The following ZNF831 variants were observed in gnomAD, a reference collection of about 807,000 sequenced individuals.
ZNF831 encodes the protein chromosome 20 open reading frame 174.
A neutral mutation model predicts 95.8 loss-of-function variants in ZNF831; 59 were observed. That is an observed-to-expected ratio of 0.62 (90% CI 0.50 to 0.77). The LOEUF (loss-of-function observed/expected upper bound fraction) is 0.77, where lower values mean the gene tolerates loss of function less well. Ranked by LOEUF, ZNF831 falls within the 30% of genes least tolerant of loss-of-function variation. The probability of loss-of-function intolerance (pLI) is 0.00; values close to 1 mark genes in which losing one functional copy is unlikely to be tolerated. For synonymous variants in ZNF831, 961 were observed against 925.5 expected (o/e 1.04, Z -0.70); for missense variants, 2,205 against 2,164.0 (o/e 1.02, Z -0.38).
chr20:59,145,925 A>G (rs1979835823), intron 1 of ZNF831, among the ~76,000 whole-genome samples: 1 of 151,842 alleles, frequency 6.6e-6, no homozygotes, highest in South Asian at 2.1e-4. Context: ...GAAAGAGTGC[A>G]GGAAGAGAAA....
chr20:59,239,690 G>A (rs1481911588), intron 4 of ZNF831, among the ~76,000 whole-genome samples: 10 of 151,894 alleles, frequency 6.6e-5, no homozygotes, highest in South Asian at 4.2e-4. Context: ...GATTACAGGC[G>A]CGCGCCACCA....
upstream of ZNF831, among the ~76,000 whole-genome samples, chr20:59,159,187 C>A (rs1980705753): frequency 6.6e-6 from 1 of 151,994 alleles, no homozygotes; most frequent in South Asian, 2.1e-4. Context: ...ACTTCACAGA[C>A]CCACCAAGAA....
rs377163790 is a variant in ZNF831 at position 59,195,925 on chromosome 20, A to G, written c.3795A>G (p.Glu1265=). 26 of 1,614,096 alleles carry G rather than the reference A, an allele frequency of 1.6e-5. No individual in the cohort carries two copies. Among genetic ancestry groups the G allele is most frequent in the Non-Finnish European group, 1.9e-5 (22 of 1,180,042 alleles). The part of the protein sequence containing the change: ...VMPQHQVSEP[E]WKKGLPWRAK... ...CCCAGCACCAGGTGTCTGAGCCAGA[A>G]TGGAAGAAAGGCCTGCCTTGGAGGG... The change falls in exon 3 of 6, where the codon GAA becomes GAG. Residue 1265 remains glutamate (E), a synonymous_variant. Transcript: ENST00000371030.
At chr20:59,204,150 C>T (rs891644255) in intron 3 of ZNF831, among the ~76,000 whole-genome samples, 5 of 152,162 alleles carry the variant, frequency 3.3e-5, no homozygotes, top group Non-Finnish European at 7.4e-5. Flanking sequence ...ATACATTAGT[C>T]GTTGAAGGGG....
chr20:59,158,504 C>T (rs377209150), intron 2 of ZNF831, among the ~76,000 whole-genome samples: 53 of 152,296 alleles, frequency 3.5e-4, no homozygotes, highest in Middle Eastern at 3.4e-3. Flanking sequence ...CCACTCTGTG[C>T]CCACTGAACC....
At chr20:59,197,500 G>C (rs1001359951) in intron 3 of ZNF831, among the ~76,000 whole-genome samples, 1 of 152,156 alleles carries the variant, frequency 6.6e-6, no homozygotes, top group Non-Finnish European at 1.5e-5. Context: ...GCCTGTCCTG[G>C]GCACGCTAGC....
intron 3 of ZNF831, among the ~76,000 whole-genome samples, chr20:59,199,265 G>A (rs1984362876): frequency 6.6e-6 from 1 of 151,848 alleles, no homozygotes; most frequent in African/African-American, 2.4e-5. Flanking sequence ...ATAGTCCTTA[G>A]CTCACAGAGA....
chr20:59,225,243 A>T (rs1354867694), intron 4 of ZNF831, among the ~76,000 whole-genome samples: 1 of 152,204 alleles, frequency 6.6e-6, no homozygotes, highest in Non-Finnish European at 1.5e-5. Flanking sequence ...GTCTCCTTGA[A>T]GAAGAAGTTG....
intron 2 of ZNF831, among the ~76,000 whole-genome samples, chr20:59,157,837 C>T (rs1251611845): frequency 3.3e-5 from 5 of 152,146 alleles, no homozygotes; most frequent in Non-Finnish European, 7.4e-5. Context: ...CCCATCTGGG[C>T]CAGTAAACTC....
rs6092759 is a variant in ZNF831 at position 59,253,149 on chromosome 20, T to C, written c.4188+11T>C. The C allele has an allele frequency of 2.3e-3, 3,764 of 1,613,778 alleles. 83 individuals carry two copies. The African/African-American group carries it at 0.044, about 19-fold the overall frequency. ...AAACGAACTGTGAAGGTGGGCATGA[T>C]GATTTTGAGCTGCCTCTACCTATTC... On this transcript the variant is annotated intron_variant, in intron 5 of 5. Coordinates refer to ENST00000371030, the MANE Select transcript of ZNF831 (RefSeq NM_178457.3).
At chr20:59,177,758 G>C (rs1431088562) in intron 1 of ZNF831, among the ~76,000 whole-genome samples, 1 of 152,208 alleles carries the variant, frequency 6.6e-6, no homozygotes, top group East Asian at 1.9e-4. Flanking sequence ...ATCTGGGCTT[G>C]TTCTCATGGC....
In ZNF831 at chr20:59,192,639, C is replaced by T; in HGVS notation, c.1620C>T (p.Ala540=). Residue 540 remains alanine, a synonymous_variant, in exon 2 of 6, where the codon GCC becomes GCT. Coordinates refer to ENST00000371030, the MANE Select transcript of ZNF831 (RefSeq NM_178457.3). The surrounding 1 kb of genome is among the most constrained non-coding windows in gnomAD (Gnocchi z 5.2). ...QKPLSPRPGP[A]RLGCRSGLSS... ...CTCTGAGCCCCAGGCCCGGCCCAGC[C>T]CGCCTGGGCTGCCGCTCGGGACTAA... is the stretch of plus-strand genomic sequence containing the variant. The T allele has an allele frequency of 3.3e-6, 5 of 1,500,696 alleles. No individual in the cohort carries two copies. Among genetic ancestry groups the T allele is most frequent in the Non-Finnish European group, 2.7e-6 (3 of 1,127,402 alleles). 93.0% of individuals were successfully genotyped at this position (1,500,696 alleles called of 1,614,324 possible). A position where few individuals can be genotyped will look rare whatever the true frequency, so the allele number is the denominator to read the frequency against.
intron 4 of ZNF831, among the ~76,000 whole-genome samples, chr20:59,228,117 A>AT (rs1359143617): frequency 2.6e-5 from 4 of 152,250 alleles, no homozygotes; most frequent in Non-Finnish European, 5.9e-5. Context: ...ACACAGCAGT[A>AT]TCTGCTTTCT....
chr20:59,167,626 T>C (rs1981386360), intron 1 of ZNF831, among the ~76,000 whole-genome samples: 1 of 152,178 alleles, frequency 6.6e-6, no homozygotes, highest in Non-Finnish European at 1.5e-5. Flanking sequence ...AGTTAATTTC[T>C]ATATAAGTAA....
chr20:59,239,496 A>T (rs1987189756), intron 4 of ZNF831, among the ~76,000 whole-genome samples: 1 of 149,424 alleles, frequency 6.7e-6, no homozygotes, highest in Non-Finnish European at 1.5e-5. Flanking sequence ...TTCATCTTTT[A>T]TGTGACTTTC....
intron 4 of ZNF831, among the ~76,000 whole-genome samples, chr20:59,243,490 A>G (rs1447288193): frequency 2.6e-5 from 4 of 152,144 alleles, no homozygotes; most frequent in African/African-American, 9.7e-5. Flanking sequence ...AGACAGAGGG[A>G]GGTGGGAGGA....
At chr20:59,216,457 G>A (rs887893320) in intron 4 of ZNF831, among the ~76,000 whole-genome samples, 9 of 152,172 alleles carry the variant, frequency 5.9e-5, no homozygotes, top group Admixed American at 1.3e-4. Context: ...TCACTCTGTC[G>A]CCCAGGCTGG....
At chr20:59,235,753 A>G (rs1029308497) in intron 4 of ZNF831, among the ~76,000 whole-genome samples, 38 of 152,232 alleles carry the variant, frequency 2.5e-4, no homozygotes, top group African/African-American at 8.4e-4. Context: ...TTTGCCCTGT[A>G]CTATTTCGTC....
At chr20:59,145,338 T>A (rs1306919033) in intron 1 of ZNF831, among the ~76,000 whole-genome samples, 1 of 150,576 alleles carries the variant, frequency 6.6e-6, no homozygotes, top group Non-Finnish European at 1.5e-5. Context: ...AGAGGAGGGG[T>A]CGGTCCTTTA....
Sources: allele counts gnomAD v4.1 joint callset (sites outside exome capture counted in the v4.1 genomes callset), GRCh38; gene constraint gnomAD v4.1.1; non-coding constraint Gnocchi (gnomAD v3.1); transcripts MANE v1.5; gene names NCBI Gene and HGNC (gene_info 2026-07-23, HGNC 2026-07-21).